The following AIMP1 variants were observed in gnomAD, a reference collection of about 807,000 sequenced individuals.
The protein encoded by AIMP1 is aminoacyl tRNA synthetase complex interacting multifunctional protein 1.
AIMP1 carries 24 observed loss-of-function variants against 33.1 expected under a neutral mutation model. The ratio of observed to expected loss-of-function variants is 0.73; its 90% CI spans 0.53 to 1.02. The LOEUF is 1.02. Among genes scored for constraint, AIMP1 ranks in the 50% least tolerant of loss-of-function variants. AIMP1 has a pLI of 0.00. For synonymous variants in AIMP1, 120 were observed against 121.5 expected, an observed-to-expected ratio of 0.99 and a Z score of 0.08; for missense variants, 367 against 364.8, an observed-to-expected ratio of 1.01 and a Z score of -0.05.
intron 1 of AIMP1, among the ~76,000 whole-genome samples, chr4:106,323,811 G>A (rs1437484936): frequency 1.3e-5 from 2 of 152,044 alleles, no homozygotes; most frequent in East Asian, 1.9e-4. Context: ...CATATTTGAT[G>A]AATAATACTA....
chr4:106,339,134 ACTTGT>A (rs775372907), intron 6 of AIMP1, among the ~76,000 whole-genome samples: 7 of 152,260 alleles, frequency 4.6e-5, no homozygotes, highest in South Asian at 2.1e-4. Flanking sequence ...GGCAGAAGGG[ACTTGT>A]CTTGTCTCAG....
chr4:106,327,451 T>G lies in AIMP1; in HGVS notation c.110T>G (p.Ile37Ser), dbSNP rs757575428. 6.2e-7 allele frequency: 1 copy of G among 1,608,680 alleles called. No homozygotes were observed. ...TTTAACTGGATGTTCTTGATCCTAG[T>G]TTTGCAGGCAACTTTGAGGGAAGAG... ...QQVSLLKEKA[I>S]LQATLREEKK... The change falls in exon 3 of 7, where the codon ATT becomes AGT. Residue 37 changes from isoleucine to serine, a missense_variant and splice_region_variant. Physicochemically the swap from Ile to Ser is moderately radical, Grantham distance 142 (BLOSUM62 -2). Transcript: ENST00000672341.
chr4:106,334,726 T>C (rs1316930956), intron 5 of AIMP1, among the ~76,000 whole-genome samples: 3 of 152,134 alleles, frequency 2.0e-5, no homozygotes, highest in African/African-American at 7.2e-5. Context: ...GAGGCCAGGA[T>C]GATATTGACA....
At chr4:106,329,026 T>C (rs1310149970) in intron 4 of AIMP1, among the ~76,000 whole-genome samples, 2 of 151,284 alleles carry the variant, frequency 1.3e-5, no homozygotes, top group Admixed American at 6.6e-5. Context: ...TTTCTCATTA[T>C]ACTTAAACTT....
chr4:106,317,727 A>G (rs1769016466), intron 1 of AIMP1, among the ~76,000 whole-genome samples: 1 of 152,200 alleles, frequency 6.6e-6, no homozygotes, highest in Admixed American at 6.5e-5. Flanking sequence ...ACAAGTTAAA[A>G]TCATGGCTTT....
At chr4:106,330,145 T>G (rs1053373720) in intron 4 of AIMP1, among the ~76,000 whole-genome samples, 1 of 152,304 alleles carries the variant, frequency 6.6e-6, no homozygotes, top group Non-Finnish European at 1.5e-5. Context: ...TGAAATTCCT[T>G]ATGATAATTA....
intron 6 of AIMP1, among the ~76,000 whole-genome samples, chr4:106,338,935 G>T (rs1433066340): frequency 1.3e-5 from 2 of 152,218 alleles, no homozygotes; most frequent in Admixed American, 1.3e-4. Flanking sequence ...GTGAGACATG[G>T]CGTCAAAGGA....
chr4:106,347,046 G>A (rs6820647), intron 6 of AIMP1, among the ~76,000 whole-genome samples: 10,883 of 151,994 alleles, frequency 0.072, 426 homozygotes, highest in Non-Finnish European at 0.082. Context: ...GAGCGGGGAG[G>A]TGCCACACAC....
chr4:106,332,167 A>G (rs1300462151), intron 5 of AIMP1, among the ~76,000 whole-genome samples: 2 of 152,066 alleles, frequency 1.3e-5, no homozygotes, highest in Non-Finnish European at 2.9e-5. Flanking sequence ...TTGCATTAAA[A>G]AACTATTGGT....
At chr4:106,333,337 G>A (rs974641836) in intron 5 of AIMP1, among the ~76,000 whole-genome samples, 1 of 152,012 alleles carries the variant, frequency 6.6e-6, no homozygotes. Context: ...GCATCAAATT[G>A]CACTTTTGAT....
chr4:106,325,023 A>T lies in AIMP1; in HGVS notation c.14A>T (p.Asp5Val). Residue 5 changes from aspartate (D) to valine (V), a missense_variant, in exon 2 of 7, where the codon GAT (aspartate) becomes GTT (valine). Physicochemically the swap from Asp to Val is radical, Grantham distance 152 (BLOSUM62 -3). Transcript: ENST00000672341. MANN[D>V]AVLKRLEQKG... ...CTCTTGGCAAAAATGGCAAATAATG[A>T]TGCTGTTCTGAAGAGACTGGAGCAG... The T allele has an allele frequency of 6.2e-7, 1 of 1,607,778 alleles. No homozygotes were observed. Among genetic ancestry groups the T allele is most frequent in the Non-Finnish European group, 8.5e-7 (1 of 1,177,026 alleles).
intron 5 of AIMP1, among the ~76,000 whole-genome samples, chr4:106,336,189 T>C (rs1263452765): frequency 6.6e-6 from 1 of 151,066 alleles, no homozygotes; most frequent in Non-Finnish European, 1.5e-5. Flanking sequence ...CATGCCACCA[T>C]GCCCAGCGAA....
At chr4:106,341,141 CTAGAT>C (rs1770082148) in intron 6 of AIMP1, among the ~76,000 whole-genome samples, 2 of 152,038 alleles carry the variant, frequency 1.3e-5, no homozygotes, top group Non-Finnish European at 2.9e-5. Context: ...CTTATGGATT[CTAGAT>C]ATTAGAGTTT....
chr4:106,334,058 T>A (rs1372079326), intron 5 of AIMP1, among the ~76,000 whole-genome samples: 1 of 152,196 alleles, frequency 6.6e-6, no homozygotes, highest in African/African-American at 2.4e-5. Flanking sequence ...CTCTGTCCCA[T>A]GGTGCTTCAG....
intron 5 of AIMP1, among the ~76,000 whole-genome samples, chr4:106,335,503 T>C (rs1196138980): frequency 6.6e-6 from 1 of 152,114 alleles, no homozygotes; most frequent in African/African-American, 2.4e-5. Context: ...AATTCAAAAT[T>C]ATATACTCTG....
At chr4:106,324,373 A>G (rs545058272) in intron 1 of AIMP1, among the ~76,000 whole-genome samples, 31 of 151,964 alleles carry the variant, frequency 2.0e-4, no homozygotes, top group Non-Finnish European at 4.1e-4. Context: ...ATTTTTCTGT[A>G]CCTTGATAGT....
At chr4:106,321,644 C>T (rs1769254981) in intron 1 of AIMP1, 1 of 162,254 alleles carries the variant, frequency 6.2e-6, no homozygotes, top group Admixed American at 6.6e-5. Flanking sequence ...CCGGCCGCCC[C>T]ATCTGGGAAG....
At position 106,331,782 on chromosome 4, in the gene AIMP1, C is replaced by T. The variant is rs779072835; in HGVS notation, c.502C>T (p.His168Tyr). 2 of 1,614,112 alleles carry T rather than the reference C, an allele frequency of 1.2e-6. No individual in the cohort carries two copies. Among genetic ancestry groups the T allele is most frequent in the Non-Finnish European group, 1.7e-6 (2 of 1,179,992 alleles). Reference protein sequence around the residue: ...RIGCIITARKHPDADSLYVEE... With the variant: ...RIGCIITARKYPDADSLYVEE... The stretch of plus-strand genomic sequence containing the variant: ...TGGTTGCATCATAACTGCTAGAAAA[C>T]ACCCTGATGCAGATTCTTTGTATGT... Residue 168 changes from histidine (H) to tyrosine (Y), a missense_variant, in exon 5 of 7, where the codon CAC (histidine) becomes TAC (tyrosine). Coordinates refer to ENST00000672341, the MANE Select transcript of AIMP1 (RefSeq NM_001142416.2).
upstream of AIMP1, chr4:106,316,489 G>A (rs540921826): frequency 3.9e-5 from 60 of 1,521,624 alleles, no homozygotes; most frequent in South Asian, 7.2e-4. Flanking sequence ...CAGGCTTTCA[G>A]CAAGGACACC....
Sources: allele counts gnomAD v4.1 joint callset (sites outside exome capture counted in the v4.1 genomes callset), GRCh38; gene constraint gnomAD v4.1.1; transcripts MANE v1.5; gene names NCBI Gene and HGNC (gene_info 2026-07-23, HGNC 2026-07-21).